Variants in STK3 observed in about 807,000 individuals in gnomAD.
The protein encoded by STK3 is serine/threonine kinase 3, also known as serine/threonine-protein kinase 3.
Under a neutral mutation model 58.0 loss-of-function variants are expected in STK3, and 41 were observed. The observed-to-expected ratio is 0.71, with a 90% CI of 0.55 to 0.92. The LOEUF (loss-of-function observed/expected upper bound fraction) is 0.92. STK3 is among the 40% of genes least tolerant of loss of function. STK3 has a pLI of 0.00. For missense variants in STK3, 479 were observed against 602.7 expected (o/e 0.79, Z 2.15); for synonymous variants, 170 against 191.0 (o/e 0.89, Z 0.91).
At chr8:98,518,832 G>A (rs1825143866) in intron 10 of STK3, among the ~76,000 whole-genome samples, 1 of 152,014 alleles carries the variant, frequency 6.6e-6, no homozygotes, top group South Asian at 2.1e-4. Context: ...TTTCCTGTTG[G>A]CTCTACAAGG....
chr8:98,478,523 C>T (rs1225900189), intron 10 of STK3, among the ~76,000 whole-genome samples: 1 of 152,222 alleles, frequency 6.6e-6, no homozygotes, highest in South Asian at 2.1e-4. Context: ...CTGGCAGAAC[C>T]TAGAAAAATC....
chr8:98,809,109 C>T (rs1271085707), intron 1 of STK3, among the ~76,000 whole-genome samples: 3 of 152,214 alleles, frequency 2.0e-5, no homozygotes, highest in African/African-American at 7.2e-5. Context: ...TAAGCTCCTG[C>T]ACTGGGGACC....
chr8:98,769,466 T>C (rs919207045), intron 2 of STK3, among the ~76,000 whole-genome samples: 1 of 152,238 alleles, frequency 6.6e-6, no homozygotes, highest in Non-Finnish European at 1.5e-5. Flanking sequence ...TGACCTGATC[T>C]TCCTTGCCTT....
rs145320327 is a variant in STK3 at position 98,642,530 on chromosome 8, G to C, written c.685-46361C>G. Among the ~76,000 whole-genome samples the C allele has an allele frequency of 2.0e-3, 304 of 152,224 alleles. 9 individuals carry two copies. In the East Asian group the frequency reaches 0.048, roughly 24 times the overall value. On this transcript the variant is annotated intron_variant, in intron 6 of 10. Coordinates refer to ENST00000419617, the MANE Select transcript of STK3 (RefSeq NM_006281.4). ...TCACATGTGAAGACTGAGAGTGGGA[G>C]AGATTGTATAATTTGCCCAAGGTTG... is the stretch of plus-strand genomic sequence containing the variant.
the STK3 span, among the ~76,000 whole-genome samples, chr8:98,347,865 C>CA: frequency 4.0e-5 from 6 of 151,666 alleles, no homozygotes; most frequent in Non-Finnish European, 5.9e-5. Flanking sequence ...CATCACAATT[C>CA]AAAAAAAATT....
chr8:98,497,825 AC>A (rs1823257065), intron 10 of STK3, among the ~76,000 whole-genome samples: 1 of 152,176 alleles, frequency 6.6e-6, no homozygotes, highest in South Asian at 2.1e-4. Context: ...AGAAATTGGA[AC>A]CCTCATACAC....
At chr8:98,941,632 G>C (rs749166769) in intron 1 of STK3, among the ~76,000 whole-genome samples, 10 of 152,394 alleles carry the variant, frequency 6.6e-5, no homozygotes, top group Middle Eastern at 3.4e-3. Context: ...TCTGACACCT[G>C]CTCGCTGCTT....
At chr8:98,548,854 T>C (rs1268676301) in intron 8 of STK3, among the ~76,000 whole-genome samples, 2 of 152,186 alleles carry the variant, frequency 1.3e-5, no homozygotes, top group Non-Finnish European at 2.9e-5. Context: ...TTGCCTATTC[T>C]AGATACCTCA....
intron 10 of STK3, among the ~76,000 whole-genome samples, chr8:98,512,964 G>A (rs1159910623): frequency 1.3e-5 from 2 of 152,090 alleles, no homozygotes; most frequent in African/African-American, 2.4e-5. Context: ...CGCTTGGCAT[G>A]CAACAAGGCT....
chr8:98,440,415 C>T (rs900982902), intron 1 of STK3, among the ~76,000 whole-genome samples: 2 of 152,172 alleles, frequency 1.3e-5, no homozygotes, highest in Non-Finnish European at 2.9e-5. Flanking sequence ...TAAGTACATT[C>T]GCATTATTGT....
intron 9 of STK3, among the ~76,000 whole-genome samples, chr8:98,546,159 C>A (rs1047423569): frequency 2.6e-5 from 4 of 152,136 alleles, no homozygotes; most frequent in Non-Finnish European, 5.9e-5. Flanking sequence ...AATTGGTTTT[C>A]ACTAAAATCT....
chr8:98,906,094 T>A (rs543413696), intron 1 of STK3, among the ~76,000 whole-genome samples: 8 of 152,174 alleles, frequency 5.3e-5, no homozygotes, highest in Non-Finnish European at 1.2e-4. Context: ...AAAATTAAAA[T>A]ATGTAAGGAG....
intron 6 of STK3, among the ~76,000 whole-genome samples, chr8:98,620,807 C>G (rs1039227076): frequency 6.6e-6 from 1 of 151,188 alleles, no homozygotes; most frequent in African/African-American, 2.4e-5. Flanking sequence ...ACAAAAAAGA[C>G]AAAAAGAGTA....
rs976376372 is a variant in STK3, at chr8:98,840,582, T to C, written c.110+43065A>G. Among the ~76,000 whole-genome samples the C allele has an allele frequency of 1.5e-4, 10 of 66,114 alleles. No individual in the cohort carries two copies. The Admixed American group carries it at 1.8e-3, about 12-fold the overall frequency. The allele number at this position is 66,114 out of a possible 152,430, so 43.4% of individuals were successfully genotyped here. On this transcript the variant is annotated intron_variant, in intron 3 of 12. Transcript: ENST00000523601. Reference sequence around the variant, plus strand: ...GTGACAACCTGTCTCAAGAAAAAAATGTATATATATATATATATATATATA... The same window carrying C: ...GTGACAACCTGTCTCAAGAAAAAAACGTATATATATATATATATATATATA...
chr8:98,804,246 C>T (rs1833767590), intron 1 of STK3, among the ~76,000 whole-genome samples: 1 of 152,190 alleles, frequency 6.6e-6, no homozygotes, highest in Non-Finnish European at 1.5e-5. Flanking sequence ...AAGTGATCCG[C>T]CCACCTCGGC....
intron 6 of STK3, chr8:98,598,234 T>C: frequency 6.0e-5 from 59 of 985,364 alleles, no homozygotes; most frequent in Non-Finnish European, 7.1e-5. Flanking sequence ...AGGCAATGAG[T>C]TGCAGTCTTA....
chr8:98,828,496 A>C, upstream of STK3, among the ~76,000 whole-genome samples: 1 of 148,970 alleles, frequency 6.7e-6, no homozygotes, highest in East Asian at 2.0e-4. Flanking sequence ...GGTGGCATGC[A>C]CCTGTAGTCC....
At chr8:98,804,011 T>C (rs1833753531) in intron 1 of STK3, among the ~76,000 whole-genome samples, 1 of 151,278 alleles carries the variant, frequency 6.6e-6, no homozygotes, top group Non-Finnish European at 1.5e-5. Flanking sequence ...TTTTCTTTCT[T>C]TTTTTTTTGA....
chr8:98,741,318 G>T (rs1220632183), intron 4 of STK3, among the ~76,000 whole-genome samples: 2 of 151,978 alleles, frequency 1.3e-5, no homozygotes, highest in African/African-American at 4.8e-5. Context: ...CACCACACCT[G>T]TTCCAAAATT....
Sources: gnomAD v4.1 joint callset for allele counts (sites outside exome capture counted in the v4.1 genomes callset) on GRCh38, gnomAD v4.1.1 for gene constraint, MANE v1.5 for transcripts, NCBI Gene and HGNC (gene_info 2026-07-23, HGNC 2026-07-21) for gene names.